Variants in MARCHF1 observed in about 807,000 individuals in gnomAD.
MARCHF1 encodes the protein membrane associated ring-CH-type finger 1.
Under a neutral mutation model 54.2 loss-of-function variants are expected in MARCHF1, and 40 were observed. That is an observed-to-expected ratio of 0.74 (90% CI 0.57 to 0.96). MARCHF1 has a LOEUF of 0.96. MARCHF1 is among the 40% of genes least tolerant of loss of function. The pLI, the probability that MARCHF1 is intolerant of heterozygous loss-of-function variation, is 0.00. For synonymous variants in MARCHF1, 236 were observed against 236.3 expected (o/e 1.00, Z 0.01); for missense variants, 586 against 656.5 (o/e 0.89, Z 1.17).
At chr4:164,343,501 C>T (rs868523877) in intron 1 of MARCHF1, among the ~76,000 whole-genome samples, 2 of 152,024 alleles carry the variant, frequency 1.3e-5, no homozygotes, top group South Asian at 2.1e-4. Context: ...CTGTAAGGAA[C>T]TTAAACAAAT....
chr4:164,080,924 T>C (rs1204267059), intron 2 of MARCHF1, among the ~76,000 whole-genome samples: 4 of 151,796 alleles, frequency 2.6e-5, no homozygotes, highest in Non-Finnish European at 5.9e-5. Flanking sequence ...AGAAATATTA[T>C]TTGGCCGGGC....
chr4:163,555,816 G>A (rs889700311), intron 8 of MARCHF1: 8 of 373,564 alleles, frequency 2.1e-5, no homozygotes, highest in Non-Finnish European at 3.9e-5. Flanking sequence ...TTCCCTGGAA[G>A]CCCATTTCTG....
intron 5 of MARCHF1, among the ~76,000 whole-genome samples, chr4:163,615,618 G>A (rs1313573322): frequency 1.3e-5 from 2 of 152,096 alleles, no homozygotes; most frequent in African/African-American, 2.4e-5. Flanking sequence ...TGATGGAATG[G>A]AAGAATTAAT....
At chr4:164,280,352 T>C (rs1401858669) in intron 1 of MARCHF1, among the ~76,000 whole-genome samples, 1 of 151,892 alleles carries the variant, frequency 6.6e-6, no homozygotes, top group Non-Finnish European at 1.5e-5. Flanking sequence ...TCCAACACAA[T>C]AATAGAAAAA....
chr4:164,219,658 A>G (rs1732033193), intron 1 of MARCHF1, among the ~76,000 whole-genome samples: 2 of 152,008 alleles, frequency 1.3e-5, no homozygotes, highest in Non-Finnish European at 2.9e-5. Flanking sequence ...TTTAAAAACA[A>G]GAGCTGTCAA....
At chr4:163,734,780 T>C (rs561594091) in intron 4 of MARCHF1, among the ~76,000 whole-genome samples, 1 of 152,304 alleles carries the variant, frequency 6.6e-6, no homozygotes, top group South Asian at 2.1e-4. Context: ...CACAGGCTTA[T>C]ACATATGTTA....
chr4:163,934,016 T>C (rs2111405572), intron 3 of MARCHF1, among the ~76,000 whole-genome samples: 1 of 152,324 alleles, frequency 6.6e-6, no homozygotes, highest in African/African-American at 2.4e-5. Context: ...TTAAAGTATA[T>C]GTCATTTCTT....
chr4:163,729,569 G>A (rs1463058244), intron 4 of MARCHF1, among the ~76,000 whole-genome samples: 1 of 151,902 alleles, frequency 6.6e-6, no homozygotes, highest in East Asian at 1.9e-4. Context: ...TTCTTCTTAT[G>A]TAAATTTTGA....
At chr4:163,630,207 T>C (rs1479731277) in intron 5 of MARCHF1, among the ~76,000 whole-genome samples, 5 of 152,124 alleles carry the variant, frequency 3.3e-5, no homozygotes, top group South Asian at 2.1e-4. Context: ...AACAGGTAAA[T>C]TGATAAAACA....
chr4:163,908,024 T>A (rs1411124282), intron 3 of MARCHF1, among the ~76,000 whole-genome samples: 1 of 152,136 alleles, frequency 6.6e-6, no homozygotes, highest in Admixed American at 6.6e-5. Context: ...AGACACTTAT[T>A]TCAATGGTAA....
chr4:163,815,484 A>T (rs954777295), intron 4 of MARCHF1, among the ~76,000 whole-genome samples: 5 of 152,138 alleles, frequency 3.3e-5, no homozygotes, highest in African/African-American at 1.2e-4. Context: ...GATGAGTTTT[A>T]TCGGTGCTAC....
chr4:163,943,979 T>A (rs894585317), intron 3 of MARCHF1, among the ~76,000 whole-genome samples: 16 of 151,970 alleles, frequency 1.1e-4, no homozygotes, highest in Non-Finnish European at 1.6e-4. Flanking sequence ...TTTGTTTTGT[T>A]TTTTTTGAGA....
chr4:164,008,881 A>C (rs987010008), intron 2 of MARCHF1, among the ~76,000 whole-genome samples: 36 of 152,070 alleles, frequency 2.4e-4, no homozygotes, highest in African/African-American at 8.4e-4. Context: ...AAAAAGTTGA[A>C]AGACTTCAAA....
At chr4:164,315,843 G>A (rs895975174) in intron 1 of MARCHF1, among the ~76,000 whole-genome samples, 2 of 152,114 alleles carry the variant, frequency 1.3e-5, no homozygotes, top group East Asian at 3.8e-4. Flanking sequence ...GATATCAAAA[G>A]AATTGGCTAA....
intron 3 of MARCHF1, among the ~76,000 whole-genome samples, chr4:163,866,242 T>C (rs1337125976): frequency 6.6e-6 from 1 of 151,356 alleles, no homozygotes; most frequent in Non-Finnish European, 1.5e-5. Flanking sequence ...CAAAAATCTA[T>C]ATAGTTCTCT....
intron 1 of MARCHF1, among the ~76,000 whole-genome samples, chr4:164,275,777 C>T (rs932857204): frequency 2.6e-5 from 4 of 152,142 alleles, no homozygotes; most frequent in African/African-American, 4.8e-5. Flanking sequence ...CCTTGAGAAG[C>T]ATCATTAGTT....
At chr4:163,632,725 C>G (rs577483140) in intron 5 of MARCHF1, among the ~76,000 whole-genome samples, 3 of 152,250 alleles carry the variant, frequency 2.0e-5, no homozygotes, top group Non-Finnish European at 4.4e-5. Context: ...CCTGGAAGCT[C>G]GAACTGGGTG....
intron 1 of MARCHF1, among the ~76,000 whole-genome samples, chr4:164,253,200 T>G (rs1579662930): frequency 6.6e-6 from 1 of 152,218 alleles, no homozygotes; most frequent in Admixed American, 6.5e-5. Flanking sequence ...AATTCAAAAA[T>G]GATTGTAAAA....
At chr4:163,987,685 C>T (rs10020174) in intron 3 of MARCHF1, among the ~76,000 whole-genome samples, 95,965 of 152,046 alleles carry the variant, frequency 0.63, 30,491 homozygotes, top group East Asian at 0.89. Context: ...TTACAGTTTC[C>T]GGCATTCTAT....
Sources: allele counts gnomAD v4.1 joint callset (sites outside exome capture counted in the v4.1 genomes callset), GRCh38; gene constraint gnomAD v4.1.1; transcripts MANE v1.5; gene names NCBI Gene and HGNC (gene_info 2026-07-23, HGNC 2026-07-21).